GLDC: variants seen among roughly 807,000 people sequenced by gnomAD.
GLDC encodes glycine decarboxylase, also known as glycine dehydrogenase (decarboxylating), mitochondrial.
In GLDC, 104 loss-of-function variants were observed where a neutral mutation model predicts 121.3. The observed-to-expected ratio is 0.86, with a 90% CI of 0.73 to 1.01. The LOEUF (loss-of-function observed/expected upper bound fraction) is 1.01. Ranked by LOEUF, GLDC falls within the 50% of genes least tolerant of loss-of-function variation. The probability of loss-of-function intolerance (pLI) is 0.00; values close to 1 mark genes in which losing one functional copy is unlikely to be tolerated. For missense variants in GLDC, 1,429 were observed against 1,306.6 expected (o/e 1.09, Z -1.44); for synonymous variants, 546 against 480.6 (o/e 1.14, Z -1.78).
chr9:6,538,281 C>T (rs1038723265), intron 22 of GLDC, among the ~76,000 whole-genome samples: 1 of 152,012 alleles, frequency 6.6e-6, no homozygotes, highest in African/African-American at 2.4e-5. Context: ...TTCAGGAAGT[C>T]CAAGGTAGGG....
chr9:6,627,538 C>A (rs987074303), intron 2 of GLDC, among the ~76,000 whole-genome samples: 1 of 151,950 alleles, frequency 6.6e-6, no homozygotes. Flanking sequence ...GTAGTTATGC[C>A]CAATTTTACC....
At chr9:6,612,775 T>A (rs1011488908) in intron 3 of GLDC, among the ~76,000 whole-genome samples, 7 of 152,084 alleles carry the variant, frequency 4.6e-5, no homozygotes, top group Non-Finnish European at 1.5e-5. Context: ...GGCAGAAGAA[T>A]CGCTTGAAAC....
intron 2 of GLDC, among the ~76,000 whole-genome samples, chr9:6,620,834 G>T (rs530438297): frequency 6.6e-6 from 1 of 152,198 alleles, no homozygotes; most frequent in South Asian, 2.1e-4. Context: ...TTATAAAAAG[G>T]CCATCACTCA....
At position 6,645,285 on chromosome 9, in the gene GLDC, T is replaced by TC; in HGVS notation, c.214dup (p.Asp72GlyfsTer17). 1 of 1,602,922 alleles carries TC rather than the reference T, an allele frequency of 6.2e-7. No individual in the cohort carries two copies. Among genetic ancestry groups the TC allele is most frequent in the Non-Finnish European group, 8.5e-7 (1 of 1,175,220 alleles). On this transcript the variant is annotated frameshift_variant, in exon 1 of 25. Transcript: ENST00000321612. LOFTEE classifies it high-confidence loss of function. The stretch of plus-strand genomic sequence containing the variant: ...CTGCAGCATCTCTCTCTGGTCTTTG[T>TC]CCCCAGGGCCGATGTGCCTCCGAGC...
rs764727442 is a variant in GLDC, at chr9:6,558,632, A to G, written c.1979T>C (p.Met660Thr). 2.5e-6 allele frequency: 4 copies of G among 1,613,788 alleles called. No homozygotes were observed. The Admixed American group carries it at 5.0e-5, about 20-fold the overall frequency. Residue 660 changes from methionine (M) to threonine (T), a missense_variant, in exon 17 of 25, where the codon ATG becomes ACG. Met to Thr is a moderately conservative substitution (Grantham distance 81). Coordinates refer to ENST00000321612, the MANE Select transcript of GLDC (RefSeq NM_000170.3). ...AHGTNPASAH[M>T]AGMKIQPVEV... ...CACAGGCTGAATCTTCATGCCTGCCATGTGGGCACTTGCTGGGTTGGTCCC... is the reference window on the plus strand; with the variant it reads ...CACAGGCTGAATCTTCATGCCTGCCGTGTGGGCACTTGCTGGGTTGGTCCC...
At chr9:6,588,941 G>A (rs1406852631) in intron 12 of GLDC, among the ~76,000 whole-genome samples, 1 of 152,148 alleles carries the variant, frequency 6.6e-6, no homozygotes, top group East Asian at 1.9e-4. Flanking sequence ...AGGATATAGG[G>A]CTCTTGGGAG....
At chr9:6,565,574 C>G in intron 15 of GLDC, 145 bp from the exon 16 acceptor site, 2 of 731,550 alleles carry the variant, frequency 2.7e-6, no homozygotes, top group South Asian at 1.4e-5. Flanking sequence ...CATCAAGGAG[C>G]TCTGCTGGAG....
intron 19 of GLDC, among the ~76,000 whole-genome samples, chr9:6,554,261 C>T (rs149890539): frequency 6.6e-6 from 1 of 152,068 alleles, no homozygotes; most frequent in African/African-American, 2.4e-5. Flanking sequence ...CAACACCTTA[C>T]ATCTAATTCA....
chr9:6,609,398 G>A (rs148718208), intron 4 of GLDC, among the ~76,000 whole-genome samples: 1 of 152,076 alleles, frequency 6.6e-6, no homozygotes, highest in Admixed American at 6.5e-5. Context: ...GGAGATAATA[G>A]AAGTCCTACT....
At chr9:6,610,458 T>C (rs920280584) in intron 3 of GLDC, 102 bp from the exon 4 acceptor site, 6 of 1,148,488 alleles carry the variant, frequency 5.2e-6, no homozygotes, top group Non-Finnish European at 7.7e-6. Context: ...AATTTGCCTA[T>C]CTTGAGGAGA....
chr9:6,597,471 C>T (rs973971052), intron 8 of GLDC, among the ~76,000 whole-genome samples: 28 of 152,276 alleles, frequency 1.8e-4, no homozygotes, highest in African/African-American at 5.3e-4. Flanking sequence ...TGGCTCACAC[C>T]AGTGATCCCA....
chr9:6,641,607 C>T (rs1007917558), intron 2 of GLDC, among the ~76,000 whole-genome samples: 5 of 152,140 alleles, frequency 3.3e-5, no homozygotes, highest in African/African-American at 4.8e-5. Context: ...CTGAATATCA[C>T]GGTTTCTTCA....
At chr9:6,603,111 T>C (rs7034260) in intron 7 of GLDC, among the ~76,000 whole-genome samples, 51,171 of 151,462 alleles carry the variant, frequency 0.34, 10,003 homozygotes, top group African/African-American at 0.53. Context: ...ACCTGTAATC[T>C]CAGTTACTTG....
intron 20 of GLDC, among the ~76,000 whole-genome samples, chr9:6,553,057 G>A (rs184956401): frequency 1.5e-4 from 23 of 152,182 alleles, no homozygotes; most frequent in African/African-American, 5.1e-4. Flanking sequence ...CAAAGGATGC[G>A]GCCAGAACAT....
intron 15 of GLDC, among the ~76,000 whole-genome samples, chr9:6,585,864 GTATGTATC>G (rs1487065171): frequency 1.2e-4 from 14 of 114,824 alleles, no homozygotes; most frequent in African/African-American, 3.9e-4. Context: ...ATGTATGTAT[GTATGTATC>G]TATCTATCTA....
Position 6,640,471 on chromosome 9 carries a change from G to A in GLDC, c.334+4143C>T, listed in dbSNP as rs182210464. On this transcript the variant is annotated intron_variant, in intron 2 of 24. Coordinates refer to ENST00000321612, the MANE Select transcript of GLDC (RefSeq NM_000170.3). ...TGCGCAACCCAACTAGGGTGACAAA[G>A]CCAACACCTGCAGCTGCATTACACA... 1.2e-4 allele frequency among the ~76,000 whole-genome samples: 19 copies of A among 152,306 alleles called. No homozygotes were observed. The East Asian group carries it at 3.5e-3, about 28-fold the overall frequency.
chr9:6,580,469 T>A lies in GLDC; in HGVS notation c.1850+6672A>T, dbSNP rs202124461. 6.6e-5 allele frequency among the ~76,000 whole-genome samples: 10 copies of A among 152,016 alleles called. No individual in the cohort carries two copies. In the East Asian group the frequency reaches 1.9e-3, roughly 29 times the overall value. On this transcript the variant is annotated intron_variant, in intron 15 of 24. Transcript: ENST00000321612. ...CCAGAACTTCTTCAGAAGTGAGGGG[T>A]CTACTGATCCGGAAGATGTAGGGCT...
In GLDC at chr9:6,545,251, G is replaced by T. The variant is rs145133280; in HGVS notation, c.2570-5105C>A. Among the ~76,000 whole-genome samples, 1,362 of 152,252 alleles carry T rather than the reference G, an allele frequency of 8.9e-3. 19 individuals are homozygous for T. The highest frequency in any genetic ancestry group is 0.031 in the African/African-American group (1,292 of 41,550). On this transcript the variant is annotated intron_variant, in intron 21 of 24. Transcript: ENST00000321612. ...ACTTTGTCATTGTGCAAACAGCATG[G>T]TGTACTTACATAAACTAGTTGGTAA...
chr9:6,536,288 A>C, intron 22 of GLDC, 52 bp from the exon 23 acceptor site: 1 of 1,490,530 alleles, frequency 6.7e-7, no homozygotes, highest in Non-Finnish European at 9.3e-7. Flanking sequence ...TGGCCTACCC[A>C]GTTTGGAAGA....
Sources: allele counts gnomAD v4.1 joint callset (sites outside exome capture counted in the v4.1 genomes callset), GRCh38; gene constraint gnomAD v4.1.1; transcripts MANE v1.5; gene names NCBI Gene and HGNC (gene_info 2026-07-23, HGNC 2026-07-21).